The following EYA4 variants were observed in gnomAD, a reference collection of about 807,000 sequenced individuals.
The protein encoded by EYA4 is protein phosphatase EYA4.
A neutral mutation model predicts 87.9 loss-of-function variants in EYA4; 31 were observed. The ratio of observed to expected loss-of-function variants is 0.35; its 90% confidence interval spans 0.27 to 0.48. The LOEUF (loss-of-function observed/expected upper bound fraction) is 0.48, where lower values mean the gene tolerates loss of function less well. Among genes scored for constraint, EYA4 ranks in the 20% least tolerant of loss-of-function variants. The pLI, the probability that EYA4 is intolerant of heterozygous loss-of-function variation, is 0.99. For missense variants in EYA4, 678 were observed against 761.4 expected, an observed-to-expected ratio of 0.89 and a Z score of 1.29; for synonymous variants, 263 against 270.6, an observed-to-expected ratio of 0.97 and a Z score of 0.28.
chr6:133,409,353 A>G (rs1461434251), intron 3 of EYA4, among the ~76,000 whole-genome samples: 1 of 152,244 alleles, frequency 6.6e-6, no homozygotes, highest in African/African-American at 2.4e-5. Context: ...AGTGTTATTC[A>G]GCCTTAAAAA....
intron 2 of EYA4, among the ~76,000 whole-genome samples, chr6:133,306,097 G>C (rs1414335059): frequency 1.3e-5 from 2 of 152,152 alleles, no homozygotes; most frequent in African/African-American, 4.8e-5. Context: ...GCAAGAGTCT[G>C]TGATGCTTCT....
intron 2 of EYA4, among the ~76,000 whole-genome samples, chr6:133,294,986 T>C (rs900466257): frequency 1.3e-5 from 2 of 152,228 alleles, no homozygotes; most frequent in Non-Finnish European, 2.9e-5. Flanking sequence ...TTTGCTCTAG[T>C]GTAATATAGC....
intron 17 of EYA4, among the ~76,000 whole-genome samples, chr6:133,515,642 TG>T (rs1744024993): frequency 6.6e-6 from 1 of 151,764 alleles, no homozygotes. Context: ...TGTGTGTGTG[TG>T]TGTGTGTGTG....
chr6:133,330,890 C>A (rs770817712), intron 2 of EYA4, among the ~76,000 whole-genome samples: 3 of 151,658 alleles, frequency 2.0e-5, no homozygotes, highest in Non-Finnish European at 4.4e-5. Context: ...ACTAGAAGAG[C>A]CTAAAAATTG....
At chr6:133,465,231 T>A (rs1018166598) in intron 10 of EYA4, among the ~76,000 whole-genome samples, 8 of 152,170 alleles carry the variant, frequency 5.3e-5, no homozygotes, top group Admixed American at 2.0e-4. Flanking sequence ...CAATATTAAT[T>A]GATTAAAATA....
chr6:133,516,464 G>A (rs1398644649), intron 17 of EYA4, among the ~76,000 whole-genome samples: 2 of 151,848 alleles, frequency 1.3e-5, no homozygotes, highest in East Asian at 1.9e-4. Flanking sequence ...TATAATCCCA[G>A]CACTTTGGGA....
chr6:133,395,067 T>C (rs1415276314), intron 3 of EYA4, among the ~76,000 whole-genome samples: 1 of 152,218 alleles, frequency 6.6e-6, no homozygotes, highest in Non-Finnish European at 1.5e-5. Flanking sequence ...AATGATCCCA[T>C]TTAAAATATG....
intron 2 of EYA4, among the ~76,000 whole-genome samples, chr6:133,276,200 C>T (rs763280441): frequency 6.6e-6 from 1 of 151,940 alleles, no homozygotes; most frequent in Non-Finnish European, 1.5e-5. Context: ...TCTGATACAC[C>T]GAGGGTCACA....
In EYA4 at chr6:133,376,186, A is replaced by G. The variant is rs1380898626; in HGVS notation, c.34-6206A>G. Among the ~76,000 whole-genome samples the G allele has an allele frequency of 3.3e-5, 5 of 151,844 alleles. No individual in the cohort carries two copies. The East Asian group carries it at 9.6e-4, about 29-fold the overall frequency. ...CATTTTTGGAAAAAAATATTTTTCTATCTGCTTATCCATGTTTTCCTTAAG... is the reference window on the plus strand; with the variant it reads ...CATTTTTGGAAAAAAATATTTTTCTGTCTGCTTATCCATGTTTTCCTTAAG... On this transcript the variant is annotated intron_variant, in intron 2 of 19. Coordinates refer to ENST00000355286, the MANE Select transcript of EYA4 (RefSeq NM_004100.5).
rs560590444 is a variant in EYA4, at chr6:133,531,316, G to A, written c.*2511G>A. Reference sequence around the variant, plus strand: ...CAGCATCACAGCTTGGCCATGGGACGTTGAGTATGCACAAACTAGAACTCT... The same window carrying A: ...CAGCATCACAGCTTGGCCATGGGACATTGAGTATGCACAAACTAGAACTCT... On this transcript the variant is annotated 3_prime_UTR_variant, in exon 20 of 20. Transcript: ENST00000355286. 393 of 918,948 alleles carry A rather than the reference G, an allele frequency of 4.3e-4. No individual in the cohort carries two copies. The highest frequency in any genetic ancestry group is 6.1e-4 in the Non-Finnish European group (360 of 587,942). The allele number at this position is 918,948 out of a possible 1,614,324, so 56.9% of individuals were successfully genotyped here.
intron 3 of EYA4, among the ~76,000 whole-genome samples, chr6:133,418,884 A>C (rs1295378361): frequency 6.6e-6 from 1 of 152,180 alleles, no homozygotes; most frequent in Non-Finnish European, 1.5e-5. Flanking sequence ...TTCTAAAGTA[A>C]TAAAGATTTA....
chr6:133,506,058 A>C, intron 13 of EYA4, 48 bp from the exon 14 acceptor site: 6 of 1,027,122 alleles, frequency 5.8e-6, no homozygotes, highest in South Asian at 1.3e-5. Flanking sequence ...TTTTAATAAT[A>C]AGCGCTTACT....
intron 13 of EYA4, among the ~76,000 whole-genome samples, chr6:133,493,423 T>C (rs981756922): frequency 4.6e-5 from 7 of 152,148 alleles, no homozygotes; most frequent in African/African-American, 1.7e-4. Flanking sequence ...CCCCTATCTC[T>C]TGCCACATAC....
intron 5 of EYA4, among the ~76,000 whole-genome samples, chr6:133,451,733 A>T (rs1487868859): frequency 6.6e-6 from 1 of 152,208 alleles, no homozygotes; most frequent in East Asian, 1.9e-4. Context: ...GGAGGGAGGG[A>T]ATATTTGATT....
intron 2 of EYA4, among the ~76,000 whole-genome samples, chr6:133,281,006 A>G (rs1014750572): frequency 5.9e-5 from 9 of 151,536 alleles, no homozygotes; most frequent in Admixed American, 5.9e-4. Context: ...TATACGTGAC[A>G]TAATGTTTGC....
intron 1 of EYA4, among the ~76,000 whole-genome samples, chr6:133,246,375 G>A (rs1424173698): frequency 1.3e-5 from 2 of 151,550 alleles, no homozygotes. Flanking sequence ...CATACAGTAA[G>A]TAAATTTATT....
At chr6:133,484,338 T>G (rs1001694159) in intron 13 of EYA4, among the ~76,000 whole-genome samples, 1 of 152,234 alleles carries the variant, frequency 6.6e-6, no homozygotes, top group Non-Finnish European at 1.5e-5. Flanking sequence ...AGTTTTTAGC[T>G]TTGTCTATAT....
chr6:133,273,200 A>C (rs1481686554), intron 1 of EYA4, among the ~76,000 whole-genome samples: 1 of 151,724 alleles, frequency 6.6e-6, no homozygotes, highest in African/African-American at 2.4e-5. Context: ...AAGGAGAGCC[A>C]GTCCGATTCC....
chr6:133,290,719 C>T (rs1263055011), intron 2 of EYA4, among the ~76,000 whole-genome samples: 3 of 152,156 alleles, frequency 2.0e-5, no homozygotes, highest in African/African-American at 7.2e-5. Context: ...TTATGCTGTC[C>T]AAATCCTTTA....
Sources: gnomAD v4.1 joint callset for allele counts (sites outside exome capture counted in the v4.1 genomes callset) on GRCh38, gnomAD v4.1.1 for gene constraint, MANE v1.5 for transcripts, NCBI Gene and HGNC (gene_info 2026-07-23, HGNC 2026-07-21) for gene names.